Variants in PARM1 observed in about 807,000 individuals in gnomAD.
The protein encoded by PARM1 is WSC4, cell wall integrity and stress response component 4 homolog.
Under a neutral mutation model 24.6 loss-of-function variants are expected in PARM1, and 14 were observed. That is an observed-to-expected ratio of 0.57 (90% CI 0.38 to 0.89). The LOEUF is 0.89. Among genes scored for constraint, PARM1 ranks in the 40% least tolerant of loss-of-function variants. The pLI, the probability that PARM1 is intolerant of heterozygous loss-of-function variation, is 0.00. For missense variants in PARM1, 362 were observed against 380.4 expected (o/e 0.95, Z 0.40); for synonymous variants, 179 against 156.6 (o/e 1.14, Z -1.07).
Position 75,046,485 on chromosome 4 carries a change from T to C in PARM1, c.*238T>C. 2.3e-6 allele frequency: 1 copy of C among 430,036 alleles called. No homozygotes were observed. Among genetic ancestry groups the C allele is most frequent in the Non-Finnish European group, 4.3e-6 (1 of 234,534 alleles). The allele number at this position is 430,036 out of a possible 1,614,324, so 26.6% of individuals were successfully genotyped here. ...ATTTGCAGCTGAAGTGGGCCAGCCT[T>C]GCACCAGCCAGGCCAGACCACCATG... On this transcript the variant is annotated 3_prime_UTR_variant, in exon 4 of 4. Transcript: ENST00000307428.
At chr4:74,998,015 A>T (rs544033485) in intron 1 of PARM1, among the ~76,000 whole-genome samples, 45 of 152,262 alleles carry the variant, frequency 3.0e-4, no homozygotes, top group Non-Finnish European at 5.9e-4. Context: ...GTCCTTCCAG[A>T]TTGATGTGTT....
chr4:74,991,831 C>G (rs563362717), intron 1 of PARM1, among the ~76,000 whole-genome samples: 2 of 152,266 alleles, frequency 1.3e-5, no homozygotes, highest in East Asian at 3.9e-4. Flanking sequence ...AAGTAACTTA[C>G]ACATGTCCCA....
At chr4:74,991,244 C>T (rs1361986291) in intron 1 of PARM1, among the ~76,000 whole-genome samples, 1 of 152,120 alleles carries the variant, frequency 6.6e-6, no homozygotes, top group Non-Finnish European at 1.5e-5. Context: ...ATTCAACTTT[C>T]TACCTTAAAC....
At chr4:74,996,254 C>G (rs1048139055) in intron 1 of PARM1, among the ~76,000 whole-genome samples, 1 of 152,116 alleles carries the variant, frequency 6.6e-6, no homozygotes, top group East Asian at 1.9e-4. Flanking sequence ...GCTCACTCCA[C>G]TGAATATTGG....
At chr4:75,010,526 A>G (rs889036810) in intron 1 of PARM1, among the ~76,000 whole-genome samples, 3 of 152,236 alleles carry the variant, frequency 2.0e-5, no homozygotes, top group African/African-American at 4.8e-5. Flanking sequence ...CTTTACCACA[A>G]TAAAAAATTA....
chr4:75,005,003 G>A (rs1194844029), intron 1 of PARM1, among the ~76,000 whole-genome samples: 4 of 152,194 alleles, frequency 2.6e-5, no homozygotes, highest in African/African-American at 7.2e-5. Flanking sequence ...CTGTGAAACC[G>A]AGATAACAAT....
chr4:74,976,733 C>T (rs1405659079), intron 1 of PARM1, among the ~76,000 whole-genome samples: 1 of 152,182 alleles, frequency 6.6e-6, no homozygotes, highest in Non-Finnish European at 1.5e-5. Context: ...TGACAGGGTT[C>T]CAAGAGGAAG....
At chr4:74,947,896 A>T (rs1578023482) in intron 1 of PARM1, among the ~76,000 whole-genome samples, 1 of 152,184 alleles carries the variant, frequency 6.6e-6, no homozygotes, top group African/African-American at 2.4e-5. Context: ...GTGGCTTGGG[A>T]TCTGAACTAG....
chr4:75,043,854 G>T (rs1166216692), intron 3 of PARM1, among the ~76,000 whole-genome samples: 1 of 152,072 alleles, frequency 6.6e-6, no homozygotes, highest in African/African-American at 2.4e-5. Flanking sequence ...GGTGTTTCTG[G>T]GTTTCTATTT....
chr4:74,950,999 C>G (rs1471988918), intron 1 of PARM1, among the ~76,000 whole-genome samples: 1 of 152,222 alleles, frequency 6.6e-6, no homozygotes, highest in East Asian at 1.9e-4. Context: ...TCACACATTT[C>G]CAAACCATCT....
intron 1 of PARM1, among the ~76,000 whole-genome samples, chr4:74,962,516 G>T (rs943523970): frequency 6.6e-6 from 1 of 152,070 alleles, no homozygotes; most frequent in African/African-American, 2.4e-5. Context: ...ATGAGATAAT[G>T]GATTTTATAA....
chr4:74,963,731 G>T (rs1392969167), intron 1 of PARM1, among the ~76,000 whole-genome samples: 4 of 152,086 alleles, frequency 2.6e-5, no homozygotes, highest in South Asian at 2.1e-4. Flanking sequence ...ATAGATAGTG[G>T]CAATGGTTGA....
intron 1 of PARM1, among the ~76,000 whole-genome samples, chr4:74,971,321 C>T (rs995677627): frequency 2.0e-5 from 3 of 152,166 alleles, no homozygotes; most frequent in Admixed American, 2.0e-4. Context: ...CTCATGAGAA[C>T]AGCACGGGAA....
chr4:75,044,090 A>C (rs1273867394), intron 3 of PARM1, among the ~76,000 whole-genome samples: 1 of 152,120 alleles, frequency 6.6e-6, no homozygotes, highest in East Asian at 1.9e-4. Context: ...TGGCAGATGT[A>C]AATAAGCTTC....
At chr4:75,008,000 C>T (rs903901888) in intron 1 of PARM1, among the ~76,000 whole-genome samples, 2 of 152,128 alleles carry the variant, frequency 1.3e-5, no homozygotes, top group Non-Finnish European at 2.9e-5. Flanking sequence ...GTTGTTTAAG[C>T]CACCCAATCT....
At chr4:74,978,279 C>G (rs1231061057) in intron 1 of PARM1, among the ~76,000 whole-genome samples, 2 of 152,082 alleles carry the variant, frequency 1.3e-5, no homozygotes, top group African/African-American at 4.8e-5. Flanking sequence ...GAAAATTTAC[C>G]AAGCACATGG....
intron 1 of PARM1, among the ~76,000 whole-genome samples, chr4:74,990,762 CT>C: frequency 6.6e-6 from 1 of 152,154 alleles, no homozygotes; most frequent in East Asian, 1.9e-4. Context: ...AAATTTTTCA[CT>C]TGAGTTCACC....
At chr4:75,025,546 A>T (rs538868038) in intron 2 of PARM1, among the ~76,000 whole-genome samples, 57 of 152,282 alleles carry the variant, frequency 3.7e-4, no homozygotes, top group African/African-American at 1.3e-3. Context: ...AAGTGAAGTG[A>T]AGAAACTTTA....
chr4:75,033,983 A>G, intron 3 of PARM1, 22 bp downstream of exon 3: 1 of 1,564,722 alleles, frequency 6.4e-7, no homozygotes, highest in Non-Finnish European at 8.7e-7. Flanking sequence ...CTTACTCTTA[A>G]AAAAAAGGGA....
Sources: allele counts gnomAD v4.1 joint callset (sites outside exome capture counted in the v4.1 genomes callset), GRCh38; gene constraint gnomAD v4.1.1; transcripts MANE v1.5; gene names NCBI Gene and HGNC (gene_info 2026-07-23, HGNC 2026-07-21).